INTS9: variants seen among roughly 807,000 people sequenced by gnomAD.
INTS9 encodes integrator complex subunit 9.
A neutral mutation model predicts 79.7 loss-of-function variants in INTS9; 55 were observed. The ratio of observed to expected loss-of-function variants is 0.69; its 90% CI spans 0.56 to 0.86. INTS9 has a LOEUF of 0.86. INTS9 is among the 40% of genes least tolerant of loss of function. INTS9 has a pLI of 0.00. For missense variants in INTS9, 721 were observed against 831.5 expected (o/e 0.87, Z 1.64); for synonymous variants, 319 against 325.2 (o/e 0.98, Z 0.20).
At chr8:28,811,399 C>T (rs1357330244) in intron 8 of INTS9, among the ~76,000 whole-genome samples, 2 of 151,634 alleles carry the variant, frequency 1.3e-5, no homozygotes, top group Non-Finnish European at 2.9e-5. Flanking sequence ...GCTGGGATTA[C>T]AGGCATGAGC....
At chr8:28,858,078 C>T (rs1376019426) in intron 2 of INTS9, among the ~76,000 whole-genome samples, 1 of 152,112 alleles carries the variant, frequency 6.6e-6, no homozygotes, top group Non-Finnish European at 1.5e-5. Context: ...TGAACAGGAA[C>T]GGGAAAACAT....
intron 4 of INTS9, among the ~76,000 whole-genome samples, chr8:28,842,533 G>A (rs941115145): frequency 1.1e-4 from 17 of 152,154 alleles, no homozygotes; most frequent in African/African-American, 3.9e-4. Context: ...CTTCTTCTAT[G>A]TCTCCTTCTT....
At position 28,812,356 on chromosome 8, in the gene INTS9, C is replaced by A; in HGVS notation, c.715G>T (p.Gly239Ter). 6.2e-7 allele frequency: 1 copy of A among 1,613,964 alleles called. No homozygotes were observed. Among genetic ancestry groups the A allele is most frequent in the Non-Finnish European group, 8.5e-7 (1 of 1,179,954 alleles). ...GGGTGTGTGGTAAGCAAGGAGGATC[C>A]AGAGACATAAGACACTTTCTCGTAA... ...SHYEKVSYVS[G>*]SSLLTTHPQP... The change falls in exon 8 of 17, where the codon GGA becomes TGA. Residue 239 changes from glycine (G) to a stop codon, truncating the protein, a stop_gained. Coordinates refer to ENST00000521022, the MANE Select transcript of INTS9 (RefSeq NM_018250.4). LOFTEE classifies it high-confidence loss of function.
rs1805506815 is a variant in INTS9, at chr8:28,816,719, G to C, written c.489-3107C>G. Among the ~76,000 whole-genome samples the C allele has an allele frequency of 2.1e-5, 3 of 143,998 alleles. No homozygotes were observed. In the South Asian group the frequency reaches 6.7e-4, roughly 32 times the overall value. The allele number at this position is 143,998 out of a possible 152,430, so 94.5% of individuals were successfully genotyped here. ...GTATTTCTAGTTCTAGATCCCTGAG[G>C]AATCGCCACACTGACTTCCACAATG... On this transcript the variant is annotated intron_variant, in intron 6 of 16. Coordinates refer to ENST00000521022, the MANE Select transcript of INTS9 (RefSeq NM_018250.4).
chr8:28,769,728 C>T, intron 16 of INTS9, 161 bp downstream of exon 16: 3 of 869,380 alleles, frequency 3.5e-6, no homozygotes, highest in Non-Finnish European at 3.4e-6. Flanking sequence ...CTTTCTTTCT[C>T]CTGGGTCTCC....
intron 9 of INTS9, among the ~76,000 whole-genome samples, chr8:28,795,571 C>CGGA (rs1172159398): frequency 1.5e-5 from 2 of 131,788 alleles, no homozygotes; most frequent in Non-Finnish European, 3.1e-5. Flanking sequence ...ACCTGGGAGG[C>CGGA]GGAGGTTGCA....
Position 28,837,675 on chromosome 8 carries a change from G to T in INTS9, c.363C>A (p.Gly121=). 6.2e-7 allele frequency: 1 copy of T among 1,613,750 alleles called. No individual in the cohort carries two copies. Among genetic ancestry groups the T allele is most frequent in the Non-Finnish European group, 8.5e-7 (1 of 1,179,988 alleles). Reference sequence around the variant, plus strand: ...CGGTGGGTTCCGTGGCATACACTGTGCCTGTGAAGCCGGTGTGCTCGGTGA... The same window carrying T: ...CGGTGGGTTCCGTGGCATACACTGTTCCTGTGAAGCCGGTGTGCTCGGTGA... The part of the protein sequence containing the change: ...PYITEHTGFT[G]TVYATEPTVQ... Residue 121 remains glycine, a synonymous_variant, in exon 5 of 17, where the codon GGC becomes GGA. Coordinates refer to ENST00000521022, the MANE Select transcript of INTS9 (RefSeq NM_018250.4).
chr8:28,880,646 A>G (rs1809689191), intron 1 of INTS9, among the ~76,000 whole-genome samples: 1 of 147,862 alleles, frequency 6.8e-6, no homozygotes, highest in Non-Finnish European at 1.5e-5. Context: ...CCTCCCAAAG[A>G]GCCGAGATTG....
In INTS9 at chr8:28,859,522, G is replaced by C. The variant is rs1003276508; in HGVS notation, c.51C>G (p.Leu17=). The change falls in exon 2 of 17, where the codon CTC becomes CTG. Residue 17 remains leucine (L), a synonymous_variant. Transcript: ENST00000521022. ...SGHPTLPCNV[L]KFKSTTIMLD... is the part of the protein sequence containing the mutation. ...ACATAATGGTGGTTGATTTGAATTTGAGCACATTGCATGGTAAGGTTGGGT... is the reference window on the plus strand; with the variant it reads ...ACATAATGGTGGTTGATTTGAATTTCAGCACATTGCATGGTAAGGTTGGGT... The C allele has an allele frequency of 6.2e-7, 1 of 1,614,122 alleles. No individual in the cohort carries two copies. The highest frequency in any genetic ancestry group is 1.7e-5 in the Admixed American group (1 of 60,016).
chr8:28,862,069 G>A (rs1261696102), intron 1 of INTS9: 5 of 985,268 alleles, frequency 5.1e-6, no homozygotes, highest in Non-Finnish European at 6.0e-6. Flanking sequence ...CGGGAGCACA[G>A]AGTGGCTGCC....
At chr8:28,874,329 A>C (rs1258515430) in intron 1 of INTS9, among the ~76,000 whole-genome samples, 1 of 150,582 alleles carries the variant, frequency 6.6e-6, no homozygotes, top group African/African-American at 2.4e-5. Context: ...TCGCTCTGTC[A>C]CCCAAGCTGG....
chr8:28,797,156 C>T (rs879397902), intron 8 of INTS9, among the ~76,000 whole-genome samples: 8 of 152,218 alleles, frequency 5.3e-5, no homozygotes, highest in Non-Finnish European at 1.2e-4. Context: ...TGCATTTTCA[C>T]ATCTTCCCAG....
chr8:28,811,182 C>T (rs1805108836), intron 8 of INTS9, among the ~76,000 whole-genome samples: 1 of 149,388 alleles, frequency 6.7e-6, no homozygotes, highest in Non-Finnish European at 1.5e-5. Flanking sequence ...AGGCTGGGTA[C>T]AGCAGCATGA....
intron 6 of INTS9, among the ~76,000 whole-genome samples, chr8:28,830,187 T>C (rs1806396980): frequency 6.6e-6 from 1 of 152,214 alleles, no homozygotes; most frequent in Non-Finnish European, 1.5e-5. Flanking sequence ...CATTAGATAT[T>C]AACTAGCTTG....
intron 10 of INTS9, among the ~76,000 whole-genome samples, chr8:28,791,579 C>T (rs1405393902): frequency 6.6e-6 from 1 of 152,188 alleles, no homozygotes; most frequent in East Asian, 1.9e-4. Flanking sequence ...CAAATGGGGT[C>T]ACCACCCACC....
At chr8:28,838,188 G>C (rs1166949894) in intron 4 of INTS9, among the ~76,000 whole-genome samples, 1 of 151,906 alleles carries the variant, frequency 6.6e-6, no homozygotes, top group Non-Finnish European at 1.5e-5. Flanking sequence ...GGGCAACGGG[G>C]ACGCAGCACA....
In INTS9 at chr8:28,813,523, T is replaced by C. The variant is rs1390833021; in HGVS notation, c.578A>G (p.Lys193Arg). Residue 193 changes from lysine (K) to arginine (R), a missense_variant, in exon 7 of 17, where the codon AAA (lysine) becomes AGA (arginine). Lys to Arg is a conservative substitution (Grantham distance 26). Transcript: ENST00000521022. ...CTGAGAATATCCCACCAGCTGGATT[T>C]TACTAAGGGCAGAGTTCACCTCTTG... is the stretch of plus-strand genomic sequence containing the variant. ...TMQEVNSALSKIQLVGYSQKI... is the reference protein window; with the variant it reads ...TMQEVNSALSRIQLVGYSQKI... 1 of 1,613,794 alleles carries C rather than the reference T, an allele frequency of 6.2e-7. No homozygotes were observed. The highest frequency in any genetic ancestry group is 1.7e-5 in the Admixed American group (1 of 60,014).
At chr8:28,796,910 A>C (rs1804252189) in intron 8 of INTS9, 2 of 374,488 alleles carry the variant, frequency 5.3e-6, no homozygotes, top group Non-Finnish European at 4.9e-6. Flanking sequence ...GATTATATCA[A>C]AATTCAGTAT....
Position 28,771,026 on chromosome 8 carries a change from C to T in INTS9, c.1618G>A (p.Val540Ile). Residue 540 changes from valine to isoleucine, a missense_variant, in exon 15 of 17, where the codon GTC (valine) becomes ATC (isoleucine). This residue lies in a region of INTS9 where 281 missense variants were observed against 300.8 expected (regional missense o/e 0.93). Coordinates refer to ENST00000521022, the MANE Select transcript of INTS9 (RefSeq NM_018250.4). ...EIKPGISLAT[V>I]SAVLHTKDNK... ...TCTTTGGTGTGCAGCACGGCCGAGACAGTTGCCAAGGAGATGCCAGGCTTG... is the reference window on the plus strand; with the variant it reads ...TCTTTGGTGTGCAGCACGGCCGAGATAGTTGCCAAGGAGATGCCAGGCTTG... The T allele has an allele frequency of 6.2e-7, 1 of 1,613,630 alleles. No homozygotes were observed. Among genetic ancestry groups the T allele is most frequent in the Non-Finnish European group, 8.5e-7 (1 of 1,179,826 alleles).
Sources: allele counts gnomAD v4.1 joint callset (sites outside exome capture counted in the v4.1 genomes callset), GRCh38; gene constraint gnomAD v4.1.1; regional missense constraint gnomAD v4.1.1; transcripts MANE v1.5; gene names NCBI Gene and HGNC (gene_info 2026-07-23, HGNC 2026-07-21).